CFAP47: variants seen among roughly 807,000 people sequenced by gnomAD.
CFAP47 encodes the protein cilia- and flagella-associated protein 47.
Under a neutral mutation model 148.1 loss-of-function variants are expected in CFAP47, and 29 were observed. The observed-to-expected ratio is 0.20, with a 90% CI of 0.15 to 0.27. The LOEUF (loss-of-function observed/expected upper bound fraction) is 0.27, where lower values mean the gene tolerates loss of function less well. CFAP47 is among the 10% of genes least tolerant of loss of function. The pLI, the probability that CFAP47 is intolerant of heterozygous loss-of-function variation, is 1.00. For synonymous variants in CFAP47, 664 were observed against 577.3 expected (o/e 1.15, Z -2.15); for missense variants, 1,872 against 1,697.5 (o/e 1.10, Z -1.81).
At chrX:36,002,586 AAACC>A (rs747067844) in intron 21 of CFAP47, among the ~76,000 whole-genome samples, 1 of 111,279 alleles carries the variant, frequency 9.0e-6, no homozygotes, top group Non-Finnish European at 1.9e-5. Flanking sequence ...TCGTCTCAAA[AAACC>A]AACCAACCAA....
At chrX:36,092,618 A>ATT in intron 30 of CFAP47, among the ~76,000 whole-genome samples, 1 of 102,010 alleles carries the variant, frequency 9.8e-6, no homozygotes, top group African/African-American at 3.5e-5. Context: ...TATAACTTTT[A>ATT]TTTTTTTTTT....
chrX:36,305,921 G>A (rs868992552), intron 54 of CFAP47, among the ~76,000 whole-genome samples: 2 of 111,402 alleles, frequency 1.8e-5, no homozygotes, highest in African/African-American at 6.5e-5. Flanking sequence ...AGGTGACTGT[G>A]TTCTAAATAT....
chrX:36,076,759 T>G (rs1937866356), intron 29 of CFAP47, among the ~76,000 whole-genome samples: 3 of 111,531 alleles, frequency 2.7e-5, no homozygotes, highest in African/African-American at 9.8e-5. Flanking sequence ...CACTTGTCAC[T>G]TTTTTCTTTT....
intron 49 of CFAP47, among the ~76,000 whole-genome samples, chrX:36,252,509 T>C (rs1343619454): frequency 1.8e-5 from 2 of 111,023 alleles, no homozygotes; most frequent in East Asian, 5.7e-4. Flanking sequence ...ACAAAAATTG[T>C]TAGCATCTTC....
Position 36,347,834 on chromosome X carries a change from A to C in CFAP47, c.8444-295A>C, listed in dbSNP as rs782626772. On this transcript the variant is annotated intron_variant, in intron 57 of 63. Coordinates refer to ENST00000378653, the MANE Select transcript of CFAP47 (RefSeq NM_001304548.2). The stretch of plus-strand genomic sequence containing the variant: ...TTAGGAGAAATACCTAATGTAAGTG[A>C]TGGGTTGATGGGTGCAGCAAACCAC... 2.7e-5 allele frequency among the ~76,000 whole-genome samples: 3 copies of C among 110,924 alleles called. No homozygotes were observed. The South Asian group carries it at 1.2e-3, about 43-fold the overall frequency.
intron 50 of CFAP47, 79 bp from the exon 51 acceptor site, chrX:36,285,550 T>A (rs1235032797): frequency 6.7e-6 from 3 of 449,970 alleles, no homozygotes; most frequent in Non-Finnish European, 1.2e-5. Flanking sequence ...AAATGATGTC[T>A]GTTCATGATT....
rs782364549 is a variant in CFAP47, at chrX:36,367,074, A to T, written c.9132A>T (p.Gly3044=). Residue 3044 remains glycine (G), a synonymous_variant, in exon 62 of 64, where the codon GGA becomes GGT. Coordinates refer to ENST00000378653, the MANE Select transcript of CFAP47 (RefSeq NM_001304548.2). ...CGGATGCTGTCATTGACATTGAAGG[A>T]GTTGGTTTATTTAAGGAATCTGTTT... ...PDTDAVIDIE[G]VGLFKESVFE... 1 of 1,157,815 alleles carries T rather than the reference A, an allele frequency of 8.6e-7. No homozygotes were observed. Among genetic ancestry groups the T allele is most frequent in the South Asian group, 1.9e-5 (1 of 51,415 alleles).
intron 33 of CFAP47, among the ~76,000 whole-genome samples, chrX:36,128,083 A>G (rs922109593): frequency 3.6e-5 from 4 of 110,610 alleles, no homozygotes; most frequent in African/African-American, 1.3e-4. Flanking sequence ...AGTACCCTTT[A>G]TTTCTTTCTC....
intron 2 of CFAP47, among the ~76,000 whole-genome samples, chrX:35,939,928 CTA>C (rs1935978304): frequency 2.9e-5 from 3 of 101,837 alleles, no homozygotes; most frequent in African/African-American, 7.2e-5. Context: ...AAAAGTGTTC[CTA>C]TTTCTCCACG....
chrX:36,187,652 G>GT (rs1288864585), intron 40 of CFAP47, among the ~76,000 whole-genome samples: 5 of 111,141 alleles, frequency 4.5e-5, no homozygotes, highest in African/African-American at 6.5e-5. Context: ...AATAATAAAT[G>GT]TTTTTTTAAA....
chrX:36,023,422 T>G (rs1937181933), intron 22 of CFAP47, among the ~76,000 whole-genome samples: 1 of 111,380 alleles, frequency 9.0e-6, no homozygotes, highest in Non-Finnish European at 1.9e-5. Flanking sequence ...AGCACAGCAC[T>G]CAGTTTCACC....
intron 16 of CFAP47, chrX:35,989,766 A>G: frequency 3.2e-6 from 1 of 311,399 alleles, no homozygotes; most frequent in Non-Finnish European, 5.4e-6. Flanking sequence ...CCTTAAATTC[A>G]TGACTCAATC....
chrX:36,358,030 A>G, intron 60 of CFAP47, among the ~76,000 whole-genome samples: 1 of 111,612 alleles, frequency 9.0e-6, no homozygotes. Context: ...GCCTGTAATC[A>G]CAAACAGCTC....
At position 36,067,553 on chromosome X, in the gene CFAP47, G is replaced by T. The variant is rs145537475; in HGVS notation, c.4318+1810G>T. Among the ~76,000 whole-genome samples, 563 of 111,160 alleles carry T rather than the reference G, an allele frequency of 5.1e-3. 4 individuals are homozygous for T. The highest frequency in any genetic ancestry group is 0.017 in the African/African-American group (510 of 30,561). ...CACTGCCACTACAAACATTCAAGCTGCCATAATACCTTTCCAGGGTTGTTG... is the reference window on the plus strand; with the variant it reads ...CACTGCCACTACAAACATTCAAGCTTCCATAATACCTTTCCAGGGTTGTTG... On this transcript the variant is annotated intron_variant, in intron 27 of 63. Coordinates refer to ENST00000378653, the MANE Select transcript of CFAP47 (RefSeq NM_001304548.2).
At chrX:35,994,707 C>T (rs1013982578) in intron 18 of CFAP47, among the ~76,000 whole-genome samples, 4 of 110,551 alleles carry the variant, frequency 3.6e-5, no homozygotes, top group Non-Finnish European at 1.9e-5. Flanking sequence ...AAATGGCCAC[C>T]AAAAATGTAG....
chrX:36,273,847 TA>T (rs1348745600), intron 49 of CFAP47, among the ~76,000 whole-genome samples: 4 of 110,686 alleles, frequency 3.6e-5, no homozygotes, highest in Non-Finnish European at 7.6e-5. Context: ...TAATTAACAA[TA>T]AAAAATATAC....
At chrX:36,278,609 C>G (rs1038093314) in intron 49 of CFAP47, among the ~76,000 whole-genome samples, 2 of 112,293 alleles carry the variant, frequency 1.8e-5, no homozygotes, top group Non-Finnish European at 3.8e-5. Context: ...CACTCTCCAA[C>G]CAGTCCCAGT....
intron 42 of CFAP47, among the ~76,000 whole-genome samples, chrX:36,198,623 T>C (rs1939944347): frequency 2.7e-5 from 3 of 112,322 alleles, no homozygotes; most frequent in African/African-American, 6.5e-5. Flanking sequence ...AAATCTATTT[T>C]GAGATAAAAT....
chrX:36,263,483 C>G (rs1414546426), intron 49 of CFAP47, among the ~76,000 whole-genome samples: 1 of 112,248 alleles, frequency 8.9e-6, no homozygotes, highest in African/African-American at 3.2e-5. Context: ...AATAAACTTT[C>G]TACCCATAGT....
Sources: allele counts gnomAD v4.1 joint callset (sites outside exome capture counted in the v4.1 genomes callset), GRCh38; gene constraint gnomAD v4.1.1; transcripts MANE v1.5; gene names NCBI Gene and HGNC (gene_info 2026-07-23, HGNC 2026-07-21).